SRBD1: variants seen among roughly 807,000 people sequenced by gnomAD.
SRBD1 encodes the protein S1 RNA-binding domain-containing protein 1.
SRBD1 carries 88 observed loss-of-function variants against 115.3 expected under a neutral mutation model. That is an observed-to-expected ratio of 0.76 (90% CI 0.64 to 0.91). SRBD1 has a LOEUF of 0.91. Ranked by LOEUF, SRBD1 falls within the 40% of genes least tolerant of loss-of-function variation. SRBD1 has a pLI of 0.00. For synonymous variants in SRBD1, 509 were observed against 407.7 expected (o/e 1.25, Z -2.99); for missense variants, 1,385 against 1,177.4 (o/e 1.18, Z -2.58).
intron 19 of SRBD1, among the ~76,000 whole-genome samples, chr2:45,405,859 C>T (rs540973544): frequency 6.6e-6 from 1 of 152,020 alleles, no homozygotes; most frequent in African/African-American, 2.4e-5. Flanking sequence ...GAATTAGAGG[C>T]AGATAGTTCT....
intron 15 of SRBD1, among the ~76,000 whole-genome samples, chr2:45,477,469 C>T (rs572928313): frequency 2.0e-4 from 31 of 152,310 alleles, no homozygotes; most frequent in Non-Finnish European, 4.1e-4. Context: ...TGCATTATTA[C>T]AAATATATTT....
chr2:45,440,445 C>A (rs1668630308), intron 16 of SRBD1, among the ~76,000 whole-genome samples: 1 of 152,122 alleles, frequency 6.6e-6, no homozygotes, highest in African/African-American at 2.4e-5. Context: ...AAACCAGTAC[C>A]TTGCACTATT....
intron 4 of SRBD1, among the ~76,000 whole-genome samples, chr2:45,597,013 C>T (rs1258349026): frequency 6.7e-6 from 1 of 149,058 alleles, no homozygotes; most frequent in East Asian, 1.9e-4. Context: ...CACACACACA[C>T]ACACAGCCCT....
Position 45,535,895 on chromosome 2 carries a change from A to T in SRBD1, c.1874+10837T>A, listed in dbSNP as rs558070344. On this transcript the variant is annotated intron_variant, in intron 14 of 20. Coordinates refer to ENST00000263736, the MANE Select transcript of SRBD1 (RefSeq NM_018079.5). The stretch of plus-strand genomic sequence containing the variant: ...ATGCTATACATGGGGGGAAGCAGGA[A>T]AAGGAGGGATTCAGTTCTTAAATTT... Among the ~76,000 whole-genome samples the T allele has an allele frequency of 9.9e-5, 15 of 152,128 alleles. 1 individual carries two copies. In the South Asian group the frequency reaches 3.1e-3, roughly 32 times the overall value.
intron 15 of SRBD1, among the ~76,000 whole-genome samples, chr2:45,479,981 C>T (rs1669911961): frequency 6.6e-6 from 1 of 152,104 alleles, no homozygotes; most frequent in African/African-American, 2.4e-5. Flanking sequence ...ATCTACTCTG[C>T]TTGTGCTCTA....
chr2:45,610,714 A>C (rs777782338), intron 1 of SRBD1, among the ~76,000 whole-genome samples: 1 of 152,156 alleles, frequency 6.6e-6, no homozygotes, highest in Admixed American at 6.5e-5. Flanking sequence ...GGCCACCATG[A>C]CCGTGAAAAG....
In SRBD1 at chr2:45,548,416, A is replaced by G. The variant is rs77722346; in HGVS notation, c.1676-804T>C. Among the ~76,000 whole-genome samples the G allele has an allele frequency of 1.1e-3, 161 of 152,176 alleles. 3 individuals are homozygous for G. In the East Asian group the frequency reaches 0.028, roughly 27 times the overall value. On this transcript the variant is annotated intron_variant, in intron 12 of 20. Transcript: ENST00000263736. ...GAAGATATAACTAGAGATTGAACAC[A>G]GGTTTAAAAGATATCTACCATTATA... is the stretch of plus-strand genomic sequence containing the variant.
chr2:45,437,261 C>G (rs1034999074), intron 16 of SRBD1, among the ~76,000 whole-genome samples: 7 of 148,718 alleles, frequency 4.7e-5, no homozygotes, highest in African/African-American at 1.7e-4. Context: ...ACAGCCAACA[C>G]AGTATTAAAA....
At chr2:45,394,783 C>T (rs1457275563) in intron 19 of SRBD1, among the ~76,000 whole-genome samples, 4 of 152,224 alleles carry the variant, frequency 2.6e-5, no homozygotes, top group South Asian at 2.1e-4. Context: ...AATAGACACA[C>T]TTTATGGTAT....
At chr2:45,434,857 G>C (rs1041352497) in intron 16 of SRBD1, among the ~76,000 whole-genome samples, 5 of 151,622 alleles carry the variant, frequency 3.3e-5, no homozygotes, top group African/African-American at 1.2e-4. Flanking sequence ...TGTCATGTTG[G>C]TTTGCTGCAC....
intron 10 of SRBD1, among the ~76,000 whole-genome samples, chr2:45,557,003 T>G (rs568453238): frequency 6.6e-6 from 1 of 152,262 alleles, no homozygotes; most frequent in East Asian, 1.9e-4. Flanking sequence ...TGAGATAGGT[T>G]TTTTTAATGA....
At chr2:45,562,779 G>C in intron 9 of SRBD1, 23 bp from the exon 10 acceptor site, 1 of 1,524,470 alleles carries the variant, frequency 6.6e-7, no homozygotes, top group Non-Finnish European at 9.0e-7. Flanking sequence ...ATAAGGCAAA[G>C]ACTAATAATC....
At chr2:45,407,725 A>G (rs933709285) in intron 19 of SRBD1, among the ~76,000 whole-genome samples, 1 of 152,208 alleles carries the variant, frequency 6.6e-6, no homozygotes, top group Admixed American at 6.5e-5. Flanking sequence ...AAAACCAGAA[A>G]AAGTTTTAGT....
chr2:45,403,223 G>C (rs1667338000), intron 19 of SRBD1, among the ~76,000 whole-genome samples: 1 of 152,086 alleles, frequency 6.6e-6, no homozygotes, highest in African/African-American at 2.4e-5. Flanking sequence ...TCTGGAAGAA[G>C]TACTTACACA....
chr2:45,402,202 G>C (rs571624553), intron 19 of SRBD1, among the ~76,000 whole-genome samples: 1 of 152,034 alleles, frequency 6.6e-6, no homozygotes, highest in Admixed American at 6.6e-5. Flanking sequence ...ATCTCATGAC[G>C]GAATCCTTGT....
chr2:45,414,728 ACAGT>A (rs1252006654), intron 18 of SRBD1, among the ~76,000 whole-genome samples: 2 of 144,076 alleles, frequency 1.4e-5, no homozygotes, highest in East Asian at 4.3e-4. Flanking sequence ...ATACACACAC[ACAGT>A]GTGTATATAG....
chr2:45,486,734 AAAAATAAAAT>A (rs1296196487), intron 15 of SRBD1, among the ~76,000 whole-genome samples: 126 of 151,110 alleles, frequency 8.3e-4, no homozygotes, highest in African/African-American at 2.7e-3. Context: ...CCATCTCAAA[AAAAATAAAAT>A]AAAATAAAAT....
chr2:45,605,532 T>C, intron 1 of SRBD1, 91 bp from the exon 2 acceptor site: 1 of 1,221,760 alleles, frequency 8.2e-7, no homozygotes, highest in Non-Finnish European at 1.2e-6. Context: ...AACTAACATT[T>C]CATAGGAAAA....
At chr2:45,441,189 T>C (rs775944609) in intron 16 of SRBD1, among the ~76,000 whole-genome samples, 1 of 152,132 alleles carries the variant, frequency 6.6e-6, no homozygotes, top group Non-Finnish European at 1.5e-5. Context: ...AGAGAGTTAA[T>C]ATGGAAAGGA....
Sources: gnomAD v4.1 joint callset for allele counts (sites outside exome capture counted in the v4.1 genomes callset) on GRCh38, gnomAD v4.1.1 for gene constraint, MANE v1.5 for transcripts, NCBI Gene and HGNC (gene_info 2026-07-23, HGNC 2026-07-21) for gene names.